Variants in CCDC150 observed in about 807,000 individuals in gnomAD.
The protein encoded by CCDC150 is coiled-coil domain-containing protein 150.
In CCDC150, 151 loss-of-function variants were observed where a neutral mutation model predicts 156.5. The observed-to-expected ratio is 0.97, with a 90% CI of 0.85 to 1.10. CCDC150 has a LOEUF of 1.10. Among genes scored for constraint, CCDC150 ranks in the 50% least tolerant of loss-of-function variants. The pLI, the probability that CCDC150 is intolerant of heterozygous loss-of-function variation, is 0.00. For missense variants in CCDC150, 1,312 were observed against 1,268.1 expected, an observed-to-expected ratio of 1.03 and a Z score of -0.53; for synonymous variants, 452 against 429.4, an observed-to-expected ratio of 1.05 and a Z score of -0.65.
At chr2:196,706,785 T>C (rs1028894797) in intron 15 of CCDC150, among the ~76,000 whole-genome samples, 2 of 152,228 alleles carry the variant, frequency 1.3e-5, no homozygotes, top group African/African-American at 4.8e-5. Flanking sequence ...GGTTTTTTCA[T>C]TGGTTCTGTT....
intron 21 of CCDC150, among the ~76,000 whole-genome samples, chr2:196,721,958 TAAAG>T (rs1401432241): frequency 2.6e-5 from 4 of 152,190 alleles, no homozygotes; most frequent in Non-Finnish European, 2.9e-5. Context: ...AATCAAAACT[TAAAG>T]AATATTGATT....
At chr2:196,696,295 A>G (rs1337943166) in intron 14 of CCDC150, among the ~76,000 whole-genome samples, 2 of 146,694 alleles carry the variant, frequency 1.4e-5, no homozygotes, top group Non-Finnish European at 3.0e-5. Context: ...TGTCTCAGAG[A>G]AAAAAAAAAA....
chr2:196,674,200 T>C, intron 9 of CCDC150, 41 bp from the exon 10 acceptor site: 1 of 1,186,810 alleles, frequency 8.4e-7, no homozygotes, highest in Non-Finnish European at 1.2e-6. Context: ...AAATAATTCT[T>C]TATTGGAGAG....
At chr2:196,648,559 G>A (rs1041436924) in intron 2 of CCDC150, among the ~76,000 whole-genome samples, 1 of 151,990 alleles carries the variant, frequency 6.6e-6, no homozygotes, top group African/African-American at 2.4e-5. Context: ...TGTATGATTT[G>A]CAAATATCTT....
At chr2:196,703,154 G>A (rs1038110205) in intron 15 of CCDC150, among the ~76,000 whole-genome samples, 1 of 152,186 alleles carries the variant, frequency 6.6e-6, no homozygotes, top group Non-Finnish European at 1.5e-5. Flanking sequence ...AACCATAGCA[G>A]CAACTATGGA....
rs1267333698 is a variant in CCDC150, at chr2:196,689,420, T to A, written c.1510-5626T>A. ...TTTGTTTGTATCCTCTTTTATTTCA[T>A]TGAGCAGTGGTTTGTAGTTCTCCTT... is the stretch of plus-strand genomic sequence containing the variant. On this transcript the variant is annotated intron_variant, in intron 13 of 27. Coordinates refer to ENST00000389175, the MANE Select transcript of CCDC150 (RefSeq NM_001080539.2). 7.4e-4 allele frequency among the ~76,000 whole-genome samples: 112 copies of A among 150,800 alleles called. 1 individual carries two copies. The highest frequency in any genetic ancestry group is 3.0e-4 in the Non-Finnish European group (20 of 67,054).
Position 196,650,636 on chromosome 2 carries a change from C to T in CCDC150, c.176+4132C>T, listed in dbSNP as rs149422093. Among the ~76,000 whole-genome samples, 157 of 152,322 alleles carry T rather than the reference C, an allele frequency of 1.0e-3. No individual in the cohort carries two copies. The East Asian group carries it at 0.019, about 18-fold the overall frequency. On this transcript the variant is annotated intron_variant, in intron 2 of 27. Transcript: ENST00000389175. ...CTCAAACTCCTGACCTCGTGATCTG[C>T]GTGCCTCGGCCTCCCAAAGTGCTGG...
At chr2:196,720,411 T>A (rs552396773) in intron 19 of CCDC150, among the ~76,000 whole-genome samples, 164 bp from the exon 20 acceptor site, 1 of 152,354 alleles carries the variant, frequency 6.6e-6, no homozygotes, top group South Asian at 2.1e-4. Flanking sequence ...AGCAAGTCAA[T>A]CTTTGTAAAG....
At chr2:196,662,180 A>G (rs745547763) in intron 5 of CCDC150, among the ~76,000 whole-genome samples, 10 of 152,250 alleles carry the variant, frequency 6.6e-5, no homozygotes, top group Non-Finnish European at 1.3e-4. Flanking sequence ...AAAATGGCTC[A>G]TTCTTACATA....
intron 17 of CCDC150, among the ~76,000 whole-genome samples, chr2:196,716,893 G>T (rs1298033646): frequency 8.7e-6 from 1 of 114,318 alleles, no homozygotes; most frequent in Non-Finnish European, 1.6e-5. Context: ...GTCTCGCTGT[G>T]TCGCCAGGCT....
intron 19 of CCDC150, chr2:196,720,054 A>C (rs1422237370): frequency 2.7e-6 from 1 of 366,934 alleles, no homozygotes; most frequent in African/African-American, 2.2e-5. Flanking sequence ...ATTTATTACT[A>C]TCCTGTTTCA....
intron 25 of CCDC150, 79 bp downstream of exon 25, chr2:196,730,197 C>G (rs1698450402): frequency 1.7e-5 from 22 of 1,257,432 alleles, no homozygotes; most frequent in Non-Finnish European, 2.4e-5. Context: ...TGCACCTAGA[C>G]TTTCTAGAGT....
chr2:196,655,130 A>G (rs977252902), intron 2 of CCDC150, among the ~76,000 whole-genome samples: 3 of 152,228 alleles, frequency 2.0e-5, no homozygotes, highest in African/African-American at 7.2e-5. Flanking sequence ...TAAAGCAGGC[A>G]TTATTTATCT....
intron 2 of CCDC150, among the ~76,000 whole-genome samples, chr2:196,654,693 C>A (rs1421500171): frequency 6.6e-6 from 1 of 152,084 alleles, no homozygotes; most frequent in Non-Finnish European, 1.5e-5. Flanking sequence ...ATTTTGAATT[C>A]CCTCTTGGAA....
At chr2:196,729,154 A>G (rs1430819584) in intron 22 of CCDC150, 39 bp from the exon 23 acceptor site, 2 of 1,531,386 alleles carry the variant, frequency 1.3e-6, no homozygotes, top group Non-Finnish European at 1.8e-6. Context: ...CTCTTAATGG[A>G]AAGTAAAAAT....
At chr2:196,695,679 TA>T (rs1355846151) in intron 14 of CCDC150, among the ~76,000 whole-genome samples, 1 of 151,904 alleles carries the variant, frequency 6.6e-6, no homozygotes, top group Non-Finnish European at 1.5e-5. Context: ...CTGTCACTAC[TA>T]AAAATAGAAA....
chr2:196,692,195 C>T (rs1470308746), intron 13 of CCDC150, among the ~76,000 whole-genome samples: 2 of 139,496 alleles, frequency 1.4e-5, no homozygotes, highest in Admixed American at 1.5e-4. Flanking sequence ...ACTGCAGTGG[C>T]GCAATCTCGG....
At chr2:196,660,361 G>A (rs968466731) in intron 5 of CCDC150, among the ~76,000 whole-genome samples, 1 of 152,144 alleles carries the variant, frequency 6.6e-6, no homozygotes, top group African/African-American at 2.4e-5. Flanking sequence ...CATCTGGTAA[G>A]CCTATGTTTA....
intron 10 of CCDC150, 86 bp from the exon 11 acceptor site, chr2:196,676,057 C>A: frequency 7.9e-7 from 1 of 1,266,318 alleles, no homozygotes. Context: ...TAAGTTAGTT[C>A]AGTGTTTTTG....
Sources: gnomAD v4.1 joint callset for allele counts (sites outside exome capture counted in the v4.1 genomes callset) on GRCh38, gnomAD v4.1.1 for gene constraint, MANE v1.5 for transcripts, NCBI Gene and HGNC (gene_info 2026-07-23, HGNC 2026-07-21) for gene names.